The following USP24 variants were observed in gnomAD, a reference collection of about 807,000 sequenced individuals.
USP24 encodes the protein ubiquitin carboxyl-terminal hydrolase 24.
Under a neutral mutation model 361.6 loss-of-function variants are expected in USP24, and 97 were observed. The ratio of observed to expected loss-of-function variants is 0.27; its 90% CI spans 0.23 to 0.32. The LOEUF is 0.32. Ranked by LOEUF, USP24 falls within the 10% of genes least tolerant of loss-of-function variation. The pLI is 1.00. For missense variants in USP24, 2,353 were observed against 3,165.6 expected, an observed-to-expected ratio of 0.74 and a Z score of 6.16; for synonymous variants, 1,098 against 1,124.6, an observed-to-expected ratio of 0.98 and a Z score of 0.47.
intron 31 of USP24, among the ~76,000 whole-genome samples, chr1:55,131,842 A>G (rs893932186): frequency 2.6e-5 from 4 of 152,212 alleles, no homozygotes; most frequent in African/African-American, 9.6e-5. Context: ...ATAACTTCCT[A>G]AGACAAAGCA....
intron 1 of USP24, among the ~76,000 whole-genome samples, chr1:55,178,764 G>A (rs1650270240): frequency 1.3e-5 from 2 of 151,836 alleles, no homozygotes; most frequent in South Asian, 4.2e-4. Flanking sequence ...GGTGGCTCAT[G>A]CCTGTAACCC....
intron 40 of USP24, 131 bp downstream of exon 40, chr1:55,107,108 T>C: frequency 9.3e-7 from 1 of 1,080,990 alleles, no homozygotes; most frequent in Non-Finnish European, 1.3e-6. Context: ...TAACGGACAA[T>C]TTCCTACTGT....
intron 64 of USP24, chr1:55,073,102 C>T (rs1360832300): frequency 2.1e-6 from 1 of 484,504 alleles, no homozygotes; most frequent in Non-Finnish European, 3.6e-6. Flanking sequence ...GTTTCAGTTT[C>T]AGAAGATGAA....
At chr1:55,192,972 C>G (rs933034319) in intron 1 of USP24, among the ~76,000 whole-genome samples, 3 of 152,160 alleles carry the variant, frequency 2.0e-5, no homozygotes, top group African/African-American at 7.2e-5. Flanking sequence ...GTCAGTCCTC[C>G]ACACCCATGG....
At position 55,132,650 on chromosome 1, in the gene USP24, C is replaced by A. The variant is rs1646625253; in HGVS notation, c.3432G>T (p.Leu1144=). ...TTGGCTGGTGCTGTTGCTTTGATGACAGGGATGGAGATTTTGAGGACTGAG... is the reference window on the plus strand; with the variant it reads ...TTGGCTGGTGCTGTTGCTTTGATGAAAGGGATGGAGATTTTGAGGACTGAG... ...SSSQSSKSPS[L]SSKQQHQPSA... Residue 1144 remains leucine, a synonymous_variant, in exon 31 of 68, where the codon CTG becomes CTT. Transcript: ENST00000294383. 1 of 1,613,572 alleles carries A rather than the reference C, an allele frequency of 6.2e-7. No individual in the cohort carries two copies. Among genetic ancestry groups the A allele is most frequent in the Non-Finnish European group, 8.5e-7 (1 of 1,179,690 alleles).
rs78807827 is a variant in USP24 at position 55,141,759 on chromosome 1, A to G, written c.2635-28T>C. 2.9e-4 allele frequency: 455 copies of G among 1,566,856 alleles called. No individual in the cohort carries two copies. In the African/African-American group the frequency reaches 5.5e-3, roughly 19 times the overall value. ...AAAAAATACCAAACAGTCATTCTCTATCAGGGTTTCTCAACCTGGACTCTA... is the reference window on the plus strand; with the variant it reads ...AAAAAATACCAAACAGTCATTCTCTGTCAGGGTTTCTCAACCTGGACTCTA... On this transcript the variant is annotated intron_variant, in intron 23 of 67. Transcript: ENST00000294383.
Position 55,120,709 on chromosome 1 carries a change from G to C in USP24, c.4395C>G (p.Asp1465Glu). The change falls in exon 38 of 68, where the codon GAC (aspartate) becomes GAG (glutamate). Residue 1465 changes from aspartate (D) to glutamate (E), a missense_variant. Transcript: ENST00000294383. ...TCTGCACATCTGGATGCGCTGATGT[G>C]TCTGTCTGACTAAGAGTGTACAGCT... is the stretch of plus-strand genomic sequence containing the variant. The part of the protein sequence containing the change: ...CDQLYTLSQT[D>E]TSAHPDVQKP... 1 of 1,575,934 alleles carries C rather than the reference G, an allele frequency of 6.3e-7. No individual in the cohort carries two copies. Among genetic ancestry groups the C allele is most frequent in the Non-Finnish European group, 8.6e-7 (1 of 1,159,602 alleles).
chr1:55,144,161 C>T lies in USP24; in HGVS notation c.2405G>A (p.Cys802Tyr). The T allele has an allele frequency of 6.2e-7, 1 of 1,606,468 alleles. No individual in the cohort carries two copies. Among genetic ancestry groups the T allele is most frequent in the Non-Finnish European group, 8.5e-7 (1 of 1,177,334 alleles). The change falls in exon 21 of 68, where the codon TGT becomes TAT. Residue 802 changes from cysteine to tyrosine, a missense_variant. This residue lies in a region of USP24 where 949 missense variants were observed against 1,280.5 expected (regional missense o/e 0.74). Transcript: ENST00000294383. The part of the protein sequence containing the change: ...FKTFFENVNL[C>Y]DHRLKRQGAQ... ...TCCTTGTCTTTTCAATCGATGATCA[C>T]AAAGATTCACATTTTCAAAAAAAGT...
chr1:55,212,436 A>G (rs1046521800), intron 1 of USP24, among the ~76,000 whole-genome samples: 1 of 152,142 alleles, frequency 6.6e-6, no homozygotes, highest in Non-Finnish European at 1.5e-5. Context: ...CCACTACATA[A>G]TCATATCCCT....
intron 67 of USP24, among the ~76,000 whole-genome samples, chr1:55,069,319 A>G (rs1370747666): frequency 6.6e-6 from 1 of 152,250 alleles, no homozygotes; most frequent in Non-Finnish European, 1.5e-5. Context: ...TTAGTCAGTG[A>G]AACAACCCAG....
intron 7 of USP24, among the ~76,000 whole-genome samples, chr1:55,162,895 G>A (rs1017188228): frequency 6.6e-6 from 1 of 152,024 alleles, no homozygotes; most frequent in African/African-American, 2.4e-5. Context: ...GACACTACCA[G>A]TAATGAACAC....
chr1:55,121,373 TTG>T, intron 37 of USP24, 61 bp downstream of exon 37: 1 of 1,464,144 alleles, frequency 6.8e-7, no homozygotes, highest in Non-Finnish European at 9.5e-7. Flanking sequence ...TCACAGGTAG[TTG>T]AGACAGCTCA....
At chr1:55,135,076 T>C (rs931761266) in intron 28 of USP24, among the ~76,000 whole-genome samples, 1 of 152,230 alleles carries the variant, frequency 6.6e-6, no homozygotes, top group African/African-American at 2.4e-5. Flanking sequence ...CTATGTACAC[T>C]GTTTTTGTTA....
chr1:55,076,145 CAT>C (rs1645027731), intron 62 of USP24, among the ~76,000 whole-genome samples: 1 of 152,120 alleles, frequency 6.6e-6, no homozygotes, highest in Non-Finnish European at 1.5e-5. Context: ...GTTATGAGGA[CAT>C]ATACTTTATG....
intron 24 of USP24, among the ~76,000 whole-genome samples, chr1:55,141,400 G>T (rs931456738): frequency 1.3e-5 from 2 of 152,108 alleles, no homozygotes; most frequent in African/African-American, 4.8e-5. Context: ...GAAGTACTCG[G>T]GTGGTCCTGG....
chr1:55,141,833 C>T (rs1646897800), intron 23 of USP24, 102 bp from the exon 24 acceptor site: 2 of 1,014,522 alleles, frequency 2.0e-6, no homozygotes, highest in East Asian at 2.6e-5. Flanking sequence ...CTGTCCTGGG[C>T]ATTCACTGTA....
intron 16 of USP24, among the ~76,000 whole-genome samples, chr1:55,152,862 CAACAT>C (rs1320274017): frequency 6.6e-6 from 1 of 152,050 alleles, no homozygotes; most frequent in Non-Finnish European, 1.5e-5. Context: ...TGATCAAACA[CAACAT>C]AAGAAATAAA....
chr1:55,102,315 C>A (rs536996493), intron 42 of USP24, among the ~76,000 whole-genome samples: 17 of 152,270 alleles, frequency 1.1e-4, no homozygotes, highest in Admixed American at 7.8e-4. Flanking sequence ...TACCATTTTA[C>A]TTACAGGTGT....
chr1:55,128,889 T>A (rs985967181), intron 32 of USP24, among the ~76,000 whole-genome samples: 3 of 151,830 alleles, frequency 2.0e-5, no homozygotes, highest in Non-Finnish European at 4.4e-5. Context: ...TATTTTTTTA[T>A]TTTTATTTTT....
Sources: allele counts gnomAD v4.1 joint callset (sites outside exome capture counted in the v4.1 genomes callset), GRCh38; gene constraint gnomAD v4.1.1; regional missense constraint gnomAD v4.1.1; transcripts MANE v1.5; gene names NCBI Gene and HGNC (gene_info 2026-07-23, HGNC 2026-07-21).